C1QTNF7: variants seen among roughly 807,000 people sequenced by gnomAD.
The protein encoded by C1QTNF7 is C1q and TNF related 7, also known as complement C1q tumor necrosis factor-related protein 7.
In C1QTNF7, 15 loss-of-function variants were observed where a neutral mutation model predicts 19.6. The observed-to-expected ratio is 0.76, with a 90% CI of 0.51 to 1.18. The LOEUF (loss-of-function observed/expected upper bound fraction) is 1.18. C1QTNF7 is among the 50% of genes most tolerant of loss of function. The probability of loss-of-function intolerance (pLI) is 0.00; values close to 1 mark genes in which losing one functional copy is unlikely to be tolerated. For missense variants in C1QTNF7, 324 were observed against 359.7 expected (o/e 0.90, Z 0.80); for synonymous variants, 142 against 137.5 (o/e 1.03, Z -0.23).
intron 1 of C1QTNF7, among the ~76,000 whole-genome samples, chr4:15,380,870 G>A (rs901000727): frequency 3.3e-5 from 5 of 151,860 alleles, no homozygotes; most frequent in African/African-American, 1.2e-4. Flanking sequence ...GGTGGGTGGA[G>A]GTTGCAATGA....
intron 1 of C1QTNF7, among the ~76,000 whole-genome samples, chr4:15,341,624 C>T (rs1716540660): frequency 6.6e-6 from 1 of 152,184 alleles, no homozygotes; most frequent in Non-Finnish European, 1.5e-5. Context: ...CTCCCTTTCC[C>T]CTCCACTTCT....
At chr4:15,371,487 GCAAAGCATCCCTGGCTTCAGGGAGCTTA>G (rs1241197742) in intron 1 of C1QTNF7, among the ~76,000 whole-genome samples, 1 of 152,156 alleles carries the variant, frequency 6.6e-6, no homozygotes, top group Non-Finnish European at 1.5e-5. Flanking sequence ...ATCTTAGTGA[GCAAAGCATCCCTGGCTTCAGGGAGCTTA>G]CAGACTGGTG....
At chr4:15,364,409 T>C (rs1401042404) in intron 1 of C1QTNF7, among the ~76,000 whole-genome samples, 3 of 152,196 alleles carry the variant, frequency 2.0e-5, no homozygotes, top group Non-Finnish European at 4.4e-5. Context: ...TTTGTTGTTA[T>C]AAGCCACTGA....
At chr4:15,386,409 T>C (rs940355576) in intron 1 of C1QTNF7, among the ~76,000 whole-genome samples, 2 of 152,220 alleles carry the variant, frequency 1.3e-5, no homozygotes, top group Non-Finnish European at 1.5e-5. Context: ...CACCAGACAC[T>C]GTTCTGGTTG....
intron 1 of C1QTNF7, among the ~76,000 whole-genome samples, chr4:15,421,414 T>C (rs939225734): frequency 1.3e-5 from 2 of 152,116 alleles, no homozygotes; most frequent in Non-Finnish European, 2.9e-5. Context: ...CCCAGGATAG[T>C]CAATGGCACT....
At chr4:15,425,819 C>T (rs1560366600), upstream of C1QTNF7, among the ~76,000 whole-genome samples, 5 of 152,054 alleles carry the variant, frequency 3.3e-5, no homozygotes, top group African/African-American at 1.2e-4. Context: ...TTTTAAAATA[C>T]TTCTACCACC....
At chr4:15,353,082 C>T (rs1487350233) in intron 1 of C1QTNF7, among the ~76,000 whole-genome samples, 1 of 152,164 alleles carries the variant, frequency 6.6e-6, no homozygotes, top group African/African-American at 2.4e-5. Context: ...TCCATTTGGT[C>T]TGCAGACTGT....
chr4:15,374,702 G>A, intron 1 of C1QTNF7: 4 of 985,352 alleles, frequency 4.1e-6, no homozygotes, highest in Non-Finnish European at 4.8e-6. Flanking sequence ...GGGATTTTGA[G>A]CAAAAGCTCC....
intron 1 of C1QTNF7, among the ~76,000 whole-genome samples, chr4:15,399,412 T>C (rs1225812138): frequency 6.6e-6 from 1 of 152,146 alleles, no homozygotes; most frequent in South Asian, 2.1e-4. Context: ...CCGCAGATAG[T>C]AGTTAAGAAC....
upstream of C1QTNF7, among the ~76,000 whole-genome samples, chr4:15,425,852 G>A (rs901287886): frequency 3.9e-5 from 6 of 152,122 alleles, no homozygotes; most frequent in African/African-American, 1.4e-4. Flanking sequence ...GTGTGAGTGT[G>A]TGTGTATGTA....
At chr4:15,350,286 G>GAAGGAAGA (rs1716881429) in intron 1 of C1QTNF7, among the ~76,000 whole-genome samples, 1 of 49,766 alleles carries the variant, frequency 2.0e-5, no homozygotes, top group African/African-American at 6.0e-5. Flanking sequence ...AGGAAGGAAG[G>GAAGGAAGA]GAAGAAGGAA....
intron 1 of C1QTNF7, chr4:15,361,038 A>G (rs913133690): frequency 1.2e-4 from 18 of 152,170 alleles, no homozygotes; most frequent in African/African-American, 4.3e-4. Flanking sequence ...ATAAGCTACT[A>G]TATTTCTAAT....
At chr4:15,428,868 T>A (rs1712176541) in intron 1 of C1QTNF7, among the ~76,000 whole-genome samples, 3 of 152,214 alleles carry the variant, frequency 2.0e-5, no homozygotes, top group Non-Finnish European at 4.4e-5. Flanking sequence ...TTACCTATTC[T>A]CTTCTTAATG....
At position 15,442,419 on chromosome 4, in the gene C1QTNF7, C is replaced by T. The variant is rs2108943923; in HGVS notation, c.490C>T (p.Pro164Ser). 1 of 1,614,160 alleles carries T rather than the reference C, an allele frequency of 6.2e-7. No individual in the cohort carries two copies. Among genetic ancestry groups the T allele is most frequent in the East Asian group, 2.2e-5 (1 of 44,878 alleles). ...AACCAGCTACCCAGAAGAAAGACTA[C>T]CTATTATATTTAACAAGGTCCTCTT... ...ITTSYPEERL[P>S]IIFNKVLFNE... The change falls in exon 3 of 3, where the codon CCT becomes TCT. Residue 164 changes from proline (P) to serine (S), a missense_variant. Pro to Ser is a moderately conservative substitution (Grantham distance 74). Transcript: ENST00000444304.
chr4:15,411,759 C>T (rs1719411079), intron 1 of C1QTNF7, among the ~76,000 whole-genome samples: 1 of 152,178 alleles, frequency 6.6e-6, no homozygotes, highest in African/African-American at 2.4e-5. Flanking sequence ...CAGTTACCAT[C>T]TTATGGTTCT....
intron 1 of C1QTNF7, among the ~76,000 whole-genome samples, chr4:15,363,048 C>CT (rs1325053578): frequency 6.6e-6 from 1 of 151,998 alleles, no homozygotes; most frequent in Non-Finnish European, 1.5e-5. Flanking sequence ...AAATTTTGTA[C>CT]TTTTTTTTCT....
chr4:15,345,216 G>A (rs1053849886), intron 1 of C1QTNF7, among the ~76,000 whole-genome samples: 2 of 152,134 alleles, frequency 1.3e-5, no homozygotes, highest in Non-Finnish European at 1.5e-5. Flanking sequence ...CTAAGGTCAG[G>A]CAAAAATCCT....
At chr4:15,380,389 T>G (rs1718092501) in intron 1 of C1QTNF7, among the ~76,000 whole-genome samples, 1 of 152,164 alleles carries the variant, frequency 6.6e-6, no homozygotes. Flanking sequence ...TTCTCACTAA[T>G]GCTAGCATGG....
At chr4:15,360,106 T>G (rs1326919773) in intron 1 of C1QTNF7, among the ~76,000 whole-genome samples, 2 of 152,142 alleles carry the variant, frequency 1.3e-5, no homozygotes, top group African/African-American at 4.8e-5. Flanking sequence ...CACTGTTCTA[T>G]CCACAGAAAA....
Sources: gnomAD v4.1 joint callset for allele counts (sites outside exome capture counted in the v4.1 genomes callset) on GRCh38, gnomAD v4.1.1 for gene constraint, MANE v1.5 for transcripts, NCBI Gene and HGNC (gene_info 2026-07-23, HGNC 2026-07-21) for gene names.